Variants in ZNF536 observed in about 807,000 individuals in gnomAD.
The protein encoded by ZNF536 is zinc finger protein 536.
ZNF536 carries 13 observed loss-of-function variants against 84.5 expected under a neutral mutation model. The observed-to-expected ratio is 0.15, with a 90% CI of 0.10 to 0.24. ZNF536 has a LOEUF of 0.24. ZNF536 is among the 10% of genes least tolerant of loss of function. The pLI is 1.00. For synonymous variants in ZNF536, 811 were observed against 742.5 expected (o/e 1.09, Z -1.50); for missense variants, 1,536 against 1,747.5 (o/e 0.88, Z 2.16).
At chr19:30,404,063 C>A (rs2050165341) in intron 1 of ZNF536, among the ~76,000 whole-genome samples, 2 of 130,774 alleles carry the variant, frequency 1.5e-5, no homozygotes, top group Non-Finnish European at 3.1e-5. Context: ...AGAATCTCCT[C>A]ATCACGGTGC....
chr19:30,360,156 A>G (rs1373619120), intron 3 of ZNF536, among the ~76,000 whole-genome samples: 1 of 152,126 alleles, frequency 6.6e-6, no homozygotes, highest in African/African-American at 2.4e-5. Flanking sequence ...ATTTCCTTCT[A>G]CCGAAAGTAC....
At chr19:30,585,189 G>T (rs80224222) in intron 1 of ZNF536, among the ~76,000 whole-genome samples, 6,696 of 152,234 alleles carry the variant, frequency 0.044, 218 homozygotes, top group African/African-American at 0.089. Context: ...CAAGAAATAG[G>T]CTAAGTTGAT....
intron 1 of ZNF536, among the ~76,000 whole-genome samples, chr19:30,270,922 T>G (rs2025795926): frequency 6.6e-6 from 1 of 152,110 alleles, no homozygotes; most frequent in Non-Finnish European, 1.5e-5. Context: ...TCCATTCTGG[T>G]TTTAGTGACA....
chr19:30,405,138 C>T (rs1366504009), intron 1 of ZNF536, among the ~76,000 whole-genome samples: 1 of 152,160 alleles, frequency 6.6e-6, no homozygotes, highest in South Asian at 2.1e-4. Flanking sequence ...AGAACCCAGT[C>T]CTCTTGGGTT....
chr19:30,509,380 ATAT>A (rs902749892), intron 2 of ZNF536, among the ~76,000 whole-genome samples: 5 of 145,108 alleles, frequency 3.4e-5, no homozygotes, highest in Admixed American at 1.4e-4. Flanking sequence ...TATATGATAT[ATAT>A]TATATCTTAT....
At chr19:30,241,454 C>A (rs867717804) in intron 1 of ZNF536, among the ~76,000 whole-genome samples, 3 of 152,164 alleles carry the variant, frequency 2.0e-5, no homozygotes, top group African/African-American at 7.2e-5. Flanking sequence ...TCACACCAGT[C>A]GGGCAGGAAG....
intron 1 of ZNF536, among the ~76,000 whole-genome samples, chr19:30,580,713 G>A (rs1312842842): frequency 6.6e-6 from 1 of 152,092 alleles, no homozygotes; most frequent in African/African-American, 2.4e-5. Flanking sequence ...GAAACAATAG[G>A]GTCTCGAGGA....
chr19:30,424,052 T>C (rs1416501332), intron 1 of ZNF536, among the ~76,000 whole-genome samples: 1 of 152,120 alleles, frequency 6.6e-6, no homozygotes, highest in Non-Finnish European at 1.5e-5. Flanking sequence ...TTGCTGTGAG[T>C]ATGCAAGGGC....
chr19:30,595,132 T>A (rs1053349711), intron 1 of ZNF536, among the ~76,000 whole-genome samples: 3 of 152,078 alleles, frequency 2.0e-5, no homozygotes, highest in African/African-American at 7.2e-5. Flanking sequence ...CAGGCCAGAG[T>A]AGTTCAGCTA....
At chr19:30,238,431 CCA>C (rs57536360) in intron 1 of ZNF536, among the ~76,000 whole-genome samples, 55,440 of 150,130 alleles carry the variant, frequency 0.37, 11,936 homozygotes, top group Non-Finnish European at 0.5. Flanking sequence ...TGTATCTAGG[CCA>C]CACACACACA....
intron 2 of ZNF536, among the ~76,000 whole-genome samples, chr19:30,464,810 A>G (rs1037841199): frequency 2.6e-5 from 4 of 152,002 alleles, no homozygotes; most frequent in African/African-American, 9.7e-5. Context: ...GGGGTCCATC[A>G]GGGTGGGGCT....
chr19:30,462,302 G>A (rs2053176500), intron 2 of ZNF536, among the ~76,000 whole-genome samples: 1 of 108,676 alleles, frequency 9.2e-6, no homozygotes, highest in Non-Finnish European at 1.8e-5. Flanking sequence ...TTGTGTGTGT[G>A]AGTGTGTGTG....
At chr19:30,448,909 G>A (rs1367347507) in intron 2 of ZNF536, among the ~76,000 whole-genome samples, 1 of 152,162 alleles carries the variant, frequency 6.6e-6, no homozygotes, top group African/African-American at 2.4e-5. Context: ...CGAGATGGGC[G>A]ACTGTCACTG....
At chr19:30,562,247 T>C (rs1271153267), downstream of ZNF536, among the ~76,000 whole-genome samples, 1 of 152,142 alleles carries the variant, frequency 6.6e-6, no homozygotes, top group Non-Finnish European at 1.5e-5. Context: ...CTCCGGACCC[T>C]GTCAGTCCTG....
chr19:30,712,473 A>G (rs2052482678), exon 2 of ZNF536: 1 of 152,154 alleles, frequency 6.6e-6, no homozygotes, highest in African/African-American at 2.4e-5. Flanking sequence ...CTGGGAGCAC[A>G]GATTAAACCC....
chr19:30,471,669 C>T (rs907588725), intron 2 of ZNF536, among the ~76,000 whole-genome samples: 6 of 152,204 alleles, frequency 3.9e-5, no homozygotes, highest in Non-Finnish European at 7.3e-5. Flanking sequence ...AACAGTATCA[C>T]GGGCAGAGGA....
chr19:30,302,287 C>T (rs1468075082), intron 2 of ZNF536, among the ~76,000 whole-genome samples: 1 of 152,140 alleles, frequency 6.6e-6, no homozygotes, highest in African/African-American at 2.4e-5. Context: ...AGGGAGGGCT[C>T]AAGGCCACAG....
chr19:30,345,832 A>T (rs746436681), intron 2 of ZNF536, among the ~76,000 whole-genome samples: 2 of 152,188 alleles, frequency 1.3e-5, no homozygotes, highest in Non-Finnish European at 1.5e-5. Flanking sequence ...CTGAAAGGGG[A>T]CTGGCCTCTG....
chr19:30,610,572 G>C (rs192748493), intron 1 of ZNF536, among the ~76,000 whole-genome samples: 2 of 152,202 alleles, frequency 1.3e-5, no homozygotes, highest in Non-Finnish European at 2.9e-5. Flanking sequence ...CAGAGTGGAA[G>C]CTTAGCCGTC....
Sources: gnomAD v4.1 joint callset for allele counts (sites outside exome capture counted in the v4.1 genomes callset) on GRCh38, gnomAD v4.1.1 for gene constraint, MANE v1.5 for transcripts, NCBI Gene and HGNC (gene_info 2026-07-23, HGNC 2026-07-21) for gene names.